Variants in PARD3 observed in about 807,000 individuals in gnomAD.
The protein encoded by PARD3 is partitioning defective 3 homolog.
Under a neutral mutation model 155.4 loss-of-function variants are expected in PARD3, and 75 were observed. The observed-to-expected ratio is 0.48, with a 90% CI of 0.40 to 0.58. The LOEUF is 0.58. PARD3 is among the 20% of genes least tolerant of loss of function. PARD3 has a pLI of 0.00. For synonymous variants in PARD3, 576 were observed against 610.5 expected, an observed-to-expected ratio of 0.94 and a Z score of 0.83; for missense variants, 1,642 against 1,721.7, an observed-to-expected ratio of 0.95 and a Z score of 0.82.
At chr10:34,604,202 T>C (rs959683783) in intron 2 of PARD3, among the ~76,000 whole-genome samples, 14 of 152,176 alleles carry the variant, frequency 9.2e-5, no homozygotes, top group Non-Finnish European at 1.6e-4. Context: ...AGATGGTTAA[T>C]ACCAAGTGTC....
chr10:34,804,460 T>G (rs918606072), intron 1 of PARD3, among the ~76,000 whole-genome samples: 1 of 152,234 alleles, frequency 6.6e-6, no homozygotes, highest in Non-Finnish European at 1.5e-5. Context: ...TTGTAGTACA[T>G]CAGGAACCAA....
intron 3 of PARD3, among the ~76,000 whole-genome samples, chr10:34,505,304 AGT>A (rs2133475498): frequency 6.6e-6 from 1 of 152,356 alleles, no homozygotes; most frequent in South Asian, 2.1e-4. Context: ...CAAAGGTAAC[AGT>A]ACCAGGCAAG....
intron 7 of PARD3, among the ~76,000 whole-genome samples, chr10:34,391,394 A>G (rs1011062168): frequency 7.9e-5 from 12 of 151,552 alleles, no homozygotes; most frequent in African/African-American, 2.9e-4. Flanking sequence ...GCGAAGGGAG[A>G]AGGTTTTTCT....
chr10:34,619,373 G>A (rs375244029), intron 2 of PARD3, among the ~76,000 whole-genome samples: 4 of 152,030 alleles, frequency 2.6e-5, no homozygotes, highest in African/African-American at 7.2e-5. Flanking sequence ...AGTCTTTACG[G>A]TGTAGCTCAA....
intron 22 of PARD3, among the ~76,000 whole-genome samples, chr10:34,170,034 C>G (rs550587469): frequency 4.5e-4 from 69 of 152,312 alleles, no homozygotes; most frequent in Middle Eastern, 6.8e-3. Context: ...TCCACAAACT[C>G]AAGTTTGACA....
chr10:34,772,450 G>A (rs1047684806), intron 1 of PARD3, among the ~76,000 whole-genome samples: 4 of 152,110 alleles, frequency 2.6e-5, no homozygotes, highest in African/African-American at 7.2e-5. Context: ...TCAAATGTAA[G>A]ACAGTATCTT....
chr10:34,467,329 T>TTTTG (rs149115882), intron 4 of PARD3, among the ~76,000 whole-genome samples: 1 of 146,986 alleles, frequency 6.8e-6, no homozygotes, highest in African/African-American at 2.5e-5. Flanking sequence ...TGACTCCAAC[T>TTTTG]TGTGTGTGTG....
intron 2 of PARD3, among the ~76,000 whole-genome samples, chr10:34,617,403 T>C (rs2091330546): frequency 6.6e-6 from 1 of 152,184 alleles, no homozygotes; most frequent in Non-Finnish European, 1.5e-5. Context: ...AATTAAGTTC[T>C]AGTGGTCTAA....
intron 22 of PARD3, among the ~76,000 whole-genome samples, chr10:34,141,694 T>C (rs534763823): frequency 1.3e-5 from 2 of 152,336 alleles, no homozygotes; most frequent in African/African-American, 4.8e-5. Flanking sequence ...TAGCTTGTCA[T>C]TGGTCTCAGG....
At chr10:34,785,950 C>A (rs569885967) in intron 1 of PARD3, among the ~76,000 whole-genome samples, 1 of 152,146 alleles carries the variant, frequency 6.6e-6, no homozygotes, top group African/African-American at 2.4e-5. Flanking sequence ...GATGTAGTTA[C>A]GTGTCATCTC....
chr10:34,606,391 C>A (rs1181598342), intron 2 of PARD3, among the ~76,000 whole-genome samples: 3 of 151,808 alleles, frequency 2.0e-5, no homozygotes, highest in Non-Finnish European at 4.4e-5. Context: ...TCATGCCTGC[C>A]GGATCCAGTT....
chr10:34,339,114 G>A (rs1357186156), intron 16 of PARD3, among the ~76,000 whole-genome samples: 1 of 152,136 alleles, frequency 6.6e-6, no homozygotes, highest in South Asian at 2.1e-4. Context: ...ACACAATCTT[G>A]CAACAGCAAA....
At chr10:34,800,189 T>G (rs1196942829) in intron 1 of PARD3, among the ~76,000 whole-genome samples, 1 of 151,994 alleles carries the variant, frequency 6.6e-6, no homozygotes, top group Admixed American at 6.6e-5. Context: ...CTTACTCATC[T>G]GTAAACTCTG....
In PARD3 at chr10:34,748,614, C is replaced by T. The variant is rs534117923; in HGVS notation, c.121-52195G>A. ...ACTTGCCCTGAAGTCTGGAATCAAA[C>T]CCCCTGTAGCAAACTCTTCAAGTAG... On this transcript the variant is annotated intron_variant, in intron 1 of 24. Transcript: ENST00000374788. Among the ~76,000 whole-genome samples the T allele has an allele frequency of 5.3e-5, 8 of 152,082 alleles. No individual in the cohort carries two copies. In the South Asian group the frequency reaches 1.7e-3, roughly 32 times the overall value.
chr10:34,583,662 A>T (rs2087716279), intron 2 of PARD3, among the ~76,000 whole-genome samples: 4 of 152,136 alleles, frequency 2.6e-5, no homozygotes, highest in African/African-American at 9.7e-5. Flanking sequence ...GAATGAGGAA[A>T]CCTTATCTTC....
chr10:34,142,583 G>A (rs776234651), intron 22 of PARD3, among the ~76,000 whole-genome samples: 10 of 151,378 alleles, frequency 6.6e-5, no homozygotes, highest in South Asian at 6.3e-4. Flanking sequence ...GAAAGGAAGC[G>A]GGGGGCAGGG....
intron 2 of PARD3, among the ~76,000 whole-genome samples, chr10:34,561,683 T>C (rs958696518): frequency 6.6e-6 from 1 of 151,910 alleles, no homozygotes; most frequent in Non-Finnish European, 1.5e-5. Context: ...CATGCCTGGC[T>C]GATCTTGTAT....
At chr10:34,272,203 A>G (rs993628519) in intron 21 of PARD3, among the ~76,000 whole-genome samples, 9 of 152,214 alleles carry the variant, frequency 5.9e-5, no homozygotes, top group Admixed American at 3.9e-4. Flanking sequence ...AAAGTATAAA[A>G]CTTAAGAAAA....
At position 34,382,594 on chromosome 10, in the gene PARD3, T is replaced by C. The variant is rs747680719; in HGVS notation, c.1345A>G (p.Ser449Gly). Reference protein sequence around the residue: ...PQNVFSTTVSSGYNTKKIGKR... With the variant: ...PQNVFSTTVSGGYNTKKIGKR... ...CCTATTTTTTTGGTGTTATAACCAC[T>C]GCTTACAGTCGTACTAAATACATTC... Residue 449 changes from serine (S) to glycine (G), a missense_variant, in exon 9 of 25, where the codon AGT (serine) becomes GGT (glycine). This residue lies in a region of PARD3 where 1,529 missense variants were observed against 1,587.3 expected (regional missense o/e 0.96). Transcript: ENST00000374788. 3 of 1,613,948 alleles carry C rather than the reference T, an allele frequency of 1.9e-6. No individual in the cohort carries two copies. The highest frequency in any genetic ancestry group is 1.1e-5 in the South Asian group (1 of 91,064).
Sources: allele counts gnomAD v4.1 joint callset (sites outside exome capture counted in the v4.1 genomes callset), GRCh38; gene constraint gnomAD v4.1.1; regional missense constraint gnomAD v4.1.1; transcripts MANE v1.5; gene names NCBI Gene and HGNC (gene_info 2026-07-23, HGNC 2026-07-21).